Variants in ZYG11B observed in about 807,000 individuals in gnomAD.
The protein encoded by ZYG11B is protein zyg-11 homolog B.
In ZYG11B, 36 loss-of-function variants were observed where a neutral mutation model predicts 82.4. The ratio of observed to expected loss-of-function variants is 0.44; its 90% CI spans 0.33 to 0.58. The LOEUF is 0.58. Among genes scored for constraint, ZYG11B ranks in the 20% least tolerant of loss-of-function variants. The pLI, the probability that ZYG11B is intolerant of heterozygous loss-of-function variation, is 0.02. For synonymous variants in ZYG11B, 303 were observed against 312.8 expected (o/e 0.97, Z 0.33); for missense variants, 552 against 895.6 (o/e 0.62, Z 4.90).
chr1:52,798,151 G>A (rs548481352), intron 8 of ZYG11B, among the ~76,000 whole-genome samples: 3 of 151,518 alleles, frequency 2.0e-5, no homozygotes, highest in Admixed American at 6.6e-5. Flanking sequence ...TTTTTTTTTG[G>A]TTATTTGTAA....
chr1:52,733,936 GA>G, intron 1 of ZYG11B, among the ~76,000 whole-genome samples: 1 of 152,188 alleles, frequency 6.6e-6, no homozygotes, highest in East Asian at 1.9e-4. Flanking sequence ...TTATAAAGGA[GA>G]AAATTTTAGA....
Position 52,816,629 on chromosome 1 carries a change from C to T in ZYG11B, c.2044C>T (p.Pro682Ser), listed in dbSNP as rs1433411345. The T allele has an allele frequency of 1.3e-6, 2 of 1,590,122 alleles. No homozygotes were observed. The highest frequency in any genetic ancestry group is 1.7e-6 in the Non-Finnish European group (2 of 1,169,396). Residue 682 changes from proline to serine, a missense_variant and splice_region_variant, in exon 13 of 14, where the codon CCT becomes TCT. This residue lies in a region of ZYG11B where 127 missense variants were observed against 163.4 expected (regional missense o/e 0.78). Transcript: ENST00000294353. ...CATGCAACATGTCTGCAGCAAGAAT[C>T]GTATGTACCAAAAAAAAAGAACTGT... is the stretch of plus-strand genomic sequence containing the variant. ...WAMQHVCSKN[P>S]SRYCSMLIEE...
intron 4 of ZYG11B, among the ~76,000 whole-genome samples, chr1:52,783,897 T>TGTGTGTGTATGTACATACACGC (rs1558132732): frequency 1.6e-5 from 2 of 124,072 alleles, no homozygotes; most frequent in Non-Finnish European, 3.0e-5. Flanking sequence ...TACATACACG[T>TGTGTGTGTATGTACATACACGC]GTGTGTATAT....
intron 3 of ZYG11B, chr1:52,772,490 G>A (rs1186589668): frequency 4.4e-6 from 7 of 1,594,344 alleles, no homozygotes; most frequent in African/African-American, 2.7e-5. Context: ...ATTCTCTCAC[G>A]ATTACACCGA....
At chr1:52,752,502 G>A (rs1252475449) in intron 1 of ZYG11B, among the ~76,000 whole-genome samples, 2 of 152,096 alleles carry the variant, frequency 1.3e-5, no homozygotes, top group East Asian at 3.9e-4. Context: ...ACAACTTTGA[G>A]TCCCTCTCCC....
intron 1 of ZYG11B, among the ~76,000 whole-genome samples, chr1:52,741,294 G>A (rs1184946380): frequency 1.5e-4 from 4 of 27,036 alleles, no homozygotes; most frequent in East Asian, 0.022. Context: ...GTGAGACTTC[G>A]TCTCAAAAAA....
At chr1:52,817,845 T>A (rs1645249246) in intron 13 of ZYG11B, among the ~76,000 whole-genome samples, 2 of 52,420 alleles carry the variant, frequency 3.8e-5, no homozygotes, top group Non-Finnish European at 6.9e-5. Flanking sequence ...TTTTTTTTTT[T>A]TTTTTTTTTT....
At chr1:52,812,007 G>GGCGAGA (rs1162622481) in intron 10 of ZYG11B, among the ~76,000 whole-genome samples, 1 of 151,760 alleles carries the variant, frequency 6.6e-6, no homozygotes, top group Non-Finnish European at 1.5e-5. Flanking sequence ...CTCCAGCCTG[G>GGCGAGA]GCGAGAGCGA....
rs930369990 is a variant in ZYG11B at position 52,766,852 on chromosome 1, C to G, written c.197-4168C>G. 2.6e-5 allele frequency among the ~76,000 whole-genome samples: 4 copies of G among 151,916 alleles called. No individual in the cohort carries two copies. In the South Asian group the frequency reaches 8.3e-4, roughly 32 times the overall value. ...TGAAACCCCGTCTCTACTAAAAATACAAAAAATTAGCTGGGCATGGCAGCG... is the reference window on the plus strand; with the variant it reads ...TGAAACCCCGTCTCTACTAAAAATAGAAAAAATTAGCTGGGCATGGCAGCG... On this transcript the variant is annotated intron_variant, in intron 2 of 13. Transcript: ENST00000294353.
chr1:52,784,810 A>C, intron 4 of ZYG11B, 67 bp from the exon 5 acceptor site: 1 of 1,511,098 alleles, frequency 6.6e-7, no homozygotes, highest in East Asian at 2.2e-5. Context: ...CCAACAAAAT[A>C]ATTCTGCTCT....
At chr1:52,818,363 C>G (rs1482714774) in intron 13 of ZYG11B, among the ~76,000 whole-genome samples, 1 of 151,808 alleles carries the variant, frequency 6.6e-6, no homozygotes, top group Admixed American at 6.6e-5. Context: ...GTAGTCCCAG[C>G]TACTTGGGAG....
At chr1:52,794,600 A>T (rs910045303) in intron 6 of ZYG11B, among the ~76,000 whole-genome samples, 2 of 152,200 alleles carry the variant, frequency 1.3e-5, no homozygotes, top group African/African-American at 4.8e-5. Flanking sequence ...GAGTGTGCAG[A>T]TGACTGTGGA....
At position 52,803,099 on chromosome 1, in the gene ZYG11B, C is replaced by CACATAT. The variant is rs1558139992; in HGVS notation, c.1695+961_1695+962insCATATA. On this transcript the variant is annotated intron_variant, in intron 10 of 13. Coordinates refer to ENST00000294353, the MANE Select transcript of ZYG11B (RefSeq NM_024646.3). The stretch of plus-strand genomic sequence containing the variant: ...ATATATATATACACATATATATATA[C>CACATAT]ATATATATATATATATATACACACA... Among the ~76,000 whole-genome samples, 56 of 10,792 alleles carry CACATAT rather than the reference C, an allele frequency of 5.2e-3. 2 individuals are homozygous for CACATAT. Among genetic ancestry groups the CACATAT allele is most frequent in the South Asian group, 0.04 (16 of 400 alleles). The allele number at this position is 10,792 out of a possible 152,430, so 7.1% of individuals were successfully genotyped here. A position where few individuals can be genotyped will look rare whatever the true frequency, so the allele number is the denominator to read the frequency against.
intron 10 of ZYG11B, among the ~76,000 whole-genome samples, chr1:52,807,030 G>C (rs1233809597): frequency 6.6e-6 from 1 of 151,950 alleles, no homozygotes; most frequent in Non-Finnish European, 1.5e-5. Flanking sequence ...CTCTGTGTCC[G>C]GCAAATTTTT....
chr1:52,812,466 G>A (rs1645191714), intron 10 of ZYG11B, among the ~76,000 whole-genome samples: 2 of 152,110 alleles, frequency 1.3e-5, no homozygotes, highest in East Asian at 1.9e-4. Flanking sequence ...GCAGTGATAC[G>A]ATTTCCACTC....
At chr1:52,820,166 G>T (rs190292967) in intron 13 of ZYG11B, among the ~76,000 whole-genome samples, 2 of 151,064 alleles carry the variant, frequency 1.3e-5, no homozygotes, top group Non-Finnish European at 3.0e-5. Context: ...TGCTCGCCTC[G>T]GCCTCCCAAA....
intron 10 of ZYG11B, among the ~76,000 whole-genome samples, chr1:52,811,713 G>GT (rs552214211): frequency 0.015 from 2,208 of 149,248 alleles, 35 homozygotes; most frequent in African/African-American, 0.051. Flanking sequence ...ACTTAGTTTT[G>GT]TTTTTTTTTT....
chr1:52,796,190 C>A, intron 6 of ZYG11B, 102 bp from the exon 7 acceptor site: 1 of 781,548 alleles, frequency 1.3e-6, no homozygotes. Context: ...TTTTCCCTTG[C>A]CTTTTCATAT....
intron 2 of ZYG11B, among the ~76,000 whole-genome samples, chr1:52,765,623 G>A (rs766321893): frequency 3.3e-5 from 5 of 151,866 alleles, no homozygotes; most frequent in Admixed American, 6.6e-5. Flanking sequence ...TCAGCCTCCC[G>A]ACTAGCTAGC....
Sources: allele counts gnomAD v4.1 joint callset (sites outside exome capture counted in the v4.1 genomes callset), GRCh38; gene constraint gnomAD v4.1.1; regional missense constraint gnomAD v4.1.1; transcripts MANE v1.5; gene names NCBI Gene and HGNC (gene_info 2026-07-23, HGNC 2026-07-21).